TMEM263: variants seen among roughly 807,000 people sequenced by gnomAD.
TMEM263 encodes the protein transmembrane protein 263, also known as UPF0444 transmembrane protein C12orf23.
TMEM263 carries 5 observed loss-of-function variants against 8.6 expected under a neutral mutation model. That is an observed-to-expected ratio of 0.58 (90% CI 0.31 to 1.23). TMEM263 has a LOEUF of 1.23. TMEM263 is among the 50% of genes most tolerant of loss of function. The probability of loss-of-function intolerance (pLI) is 0.07; values close to 1 mark genes in which losing one functional copy is unlikely to be tolerated. For synonymous variants in TMEM263, 50 were observed against 47.9 expected (o/e 1.04, Z -0.18); for missense variants, 104 against 138.8 (o/e 0.75, Z 1.26).
chr12:106,969,683 G>A (rs1032473070), intron 3 of TMEM263, among the ~76,000 whole-genome samples: 4 of 149,232 alleles, frequency 2.7e-5, no homozygotes, highest in South Asian at 2.1e-4. Flanking sequence ...CCAAGATCAC[G>A]CCACTGCACT....
intron 2 of TMEM263, among the ~76,000 whole-genome samples, chr12:106,960,629 G>A (rs1334880573): frequency 6.6e-6 from 1 of 152,146 alleles, no homozygotes; most frequent in African/African-American, 2.4e-5. Context: ...GAGTGGGAGT[G>A]TGGTTGGACT....
At position 106,967,035 on chromosome 12, in the gene TMEM263, G is replaced by A. The variant is rs997930467; in HGVS notation, c.-6-76G>A. 1.2e-5 allele frequency: 11 copies of A among 913,004 alleles called. No homozygotes were observed. In the East Asian group the frequency reaches 2.0e-4, roughly 17 times the overall value. The allele number at this position is 913,004 out of a possible 1,614,324, so 56.6% of individuals were successfully genotyped here. On this transcript the variant is annotated intron_variant, in intron 2 of 3. Coordinates refer to ENST00000280756, the MANE Select transcript of TMEM263 (RefSeq NM_152261.4). Reference sequence around the variant, plus strand: ...TTATCTGAATAATGTTGATGAAATCGCAATTTAGCATGTGATAAGAGGTAG... The same window carrying A: ...TTATCTGAATAATGTTGATGAAATCACAATTTAGCATGTGATAAGAGGTAG...
chr12:106,972,657 A>T lies in TMEM263; in HGVS notation c.*1266A>T, dbSNP rs1399996744. 1 of 152,150 alleles carries T rather than the reference A, an allele frequency of 6.6e-6. No individual in the cohort carries two copies. The highest frequency in any genetic ancestry group is 1.5e-5 in the Non-Finnish European group (1 of 67,988). The allele number at this position is 152,150 out of a possible 1,614,324, so 9.4% of individuals were successfully genotyped here. A position where few individuals can be genotyped will look rare whatever the true frequency, so the allele number is the denominator to read the frequency against. Reference sequence around the variant, plus strand: ...ATGGATGATAAATGTGTCATATCTTATTAATATGTCTCATGTCTCGTTCCT... The same window carrying T: ...ATGGATGATAAATGTGTCATATCTTTTTAATATGTCTCATGTCTCGTTCCT... On this transcript the variant is annotated 3_prime_UTR_variant, in exon 4 of 4. Transcript: ENST00000280756.
At chr12:106,963,559 G>A (rs1308329458) in intron 2 of TMEM263, among the ~76,000 whole-genome samples, 1 of 152,088 alleles carries the variant, frequency 6.6e-6, no homozygotes, top group African/African-American at 2.4e-5. Flanking sequence ...CTATCTTACT[G>A]GACTACTAAA....
intron 2 of TMEM263, among the ~76,000 whole-genome samples, chr12:106,963,651 A>G (rs1417458404): frequency 2.0e-5 from 3 of 152,202 alleles, no homozygotes; most frequent in African/African-American, 7.2e-5. Flanking sequence ...ATATGACAGT[A>G]TAACTCTGCT....
At chr12:106,969,608 C>G (rs1387727259) in intron 3 of TMEM263, among the ~76,000 whole-genome samples, 2 of 151,854 alleles carry the variant, frequency 1.3e-5, no homozygotes, top group African/African-American at 4.8e-5. Context: ...CACCTGTAAT[C>G]CCAGCTACTC....
rs915718591 is a variant in TMEM263, at chr12:106,972,539, T to C, written c.*1148T>C. On this transcript the variant is annotated 3_prime_UTR_variant, in exon 4 of 4. Transcript: ENST00000280756. ...GTGCATCAGTGGTTTATATAGGCTT[T>C]AAAAACATGTTATCTTACAGTCCTT... 6.6e-6 allele frequency: 1 copy of C among 152,124 alleles called. No homozygotes were observed. The highest frequency in any genetic ancestry group is 2.4e-5 in the African/African-American group (1 of 41,446). The allele number at this position is 152,124 out of a possible 1,614,324, so 9.4% of individuals were successfully genotyped here.
intron 1 of TMEM263, 168 bp from the exon 2 acceptor site, chr12:106,956,914 T>G (rs1263890695): frequency 5.4e-6 from 1 of 185,922 alleles, no homozygotes; most frequent in Non-Finnish European, 1.0e-5. Flanking sequence ...GATTTGCTAG[T>G]GCCTAAAGGG....
intron 1 of TMEM263, among the ~76,000 whole-genome samples, chr12:106,956,436 C>T (rs1289921928): frequency 6.6e-6 from 1 of 152,200 alleles, no homozygotes; most frequent in African/African-American, 2.4e-5. Flanking sequence ...GGGTACCGGG[C>T]TTCCTCGCCC....
At chr12:106,965,696 T>C (rs1951834764) in intron 2 of TMEM263, among the ~76,000 whole-genome samples, 1 of 151,986 alleles carries the variant, frequency 6.6e-6, no homozygotes, top group African/African-American at 2.4e-5. Context: ...CACTGACATA[T>C]AGTCCTCTCT....
At chr12:106,959,095 A>C (rs897220981) in intron 2 of TMEM263, among the ~76,000 whole-genome samples, 6 of 152,184 alleles carry the variant, frequency 3.9e-5, no homozygotes. Flanking sequence ...ATCACACTGA[A>C]CTCCTAATTG....
rs748716488 is a variant in TMEM263, at chr12:106,971,169, C to T, written c.129C>T (p.Phe43=). 97 of 1,614,182 alleles carry T rather than the reference C, an allele frequency of 6.0e-5. No homozygotes were observed. Among genetic ancestry groups the T allele is most frequent in the East Asian group, 4.2e-4 (19 of 44,882 alleles). Residue 43 remains phenylalanine (F), a synonymous_variant, in exon 4 of 4, where the codon TTC becomes TTT. Transcript: ENST00000280756. The part of the protein sequence containing the change: ...GMLSRVTGGI[F]SVTKGAVGAT... ...TGTCCCGTGTGACTGGGGGTATCTT[C>T]AGTGTTACAAAGGGAGCTGTTGGTG... is the stretch of plus-strand genomic sequence containing the variant.
At position 106,955,947 on chromosome 12, in the gene TMEM263, G is replaced by T. The variant is rs1037480230; in HGVS notation, c.-193G>T. 23 of 986,040 alleles carry T rather than the reference G, an allele frequency of 2.3e-5. No individual in the cohort carries two copies. Among genetic ancestry groups the T allele is most frequent in the Non-Finnish European group, 2.8e-5 (23 of 830,594 alleles). 61.1% of individuals were successfully genotyped at this position (986,040 alleles called of 1,614,324 possible). On this transcript the variant is annotated 5_prime_UTR_variant, in exon 1 of 4. Transcript: ENST00000280756. ...CACATCCTGAGAGGACGCCTCTGGA[G>T]CCGCGACTGCCCGGGGTTGTGCCGG...
intron 2 of TMEM263, among the ~76,000 whole-genome samples, chr12:106,964,836 G>A (rs911875368): frequency 2.6e-5 from 4 of 152,088 alleles, no homozygotes; most frequent in African/African-American, 7.2e-5. Flanking sequence ...CCCATTTCTC[G>A]CAACCTCTGC....
At chr12:106,959,310 T>G (rs920920982) in intron 2 of TMEM263, 1 of 152,208 alleles carries the variant, frequency 6.6e-6, no homozygotes, top group Non-Finnish European at 1.5e-5. Context: ...TGGCTTGATC[T>G]CCACTCACTG....
intron 2 of TMEM263, among the ~76,000 whole-genome samples, chr12:106,963,847 G>T (rs926817326): frequency 1.3e-4 from 20 of 152,208 alleles, no homozygotes; most frequent in Non-Finnish European, 2.2e-4. Flanking sequence ...TAAAAGGTAA[G>T]ACTGTTGGTA....
chr12:106,960,888 C>T (rs1319105422), intron 2 of TMEM263, among the ~76,000 whole-genome samples: 1 of 152,156 alleles, frequency 6.6e-6, no homozygotes, highest in East Asian at 1.9e-4. Context: ...TAAAAAGGTA[C>T]ATTTGGAAAG....
chr12:106,959,765 C>T (rs1951745222), intron 2 of TMEM263, among the ~76,000 whole-genome samples: 1 of 152,028 alleles, frequency 6.6e-6, no homozygotes, highest in South Asian at 2.1e-4. Context: ...AAAAGTTAGG[C>T]ACATATTTGT....
At chr12:106,970,001 A>G (rs1457890241) in intron 3 of TMEM263, among the ~76,000 whole-genome samples, 2 of 152,116 alleles carry the variant, frequency 1.3e-5, no homozygotes, top group Non-Finnish European at 2.9e-5. Flanking sequence ...ACTCTCTTTC[A>G]TAAGAATTAC....
Sources: gnomAD v4.1 joint callset for allele counts (sites outside exome capture counted in the v4.1 genomes callset) on GRCh38, gnomAD v4.1.1 for gene constraint, MANE v1.5 for transcripts, NCBI Gene and HGNC (gene_info 2026-07-23, HGNC 2026-07-21) for gene names.